SAMD7: variants seen among roughly 807,000 people sequenced by gnomAD.
The protein encoded by SAMD7 is sterile alpha motif domain-containing protein 7.
In SAMD7, 34 loss-of-function variants were observed where a neutral mutation model predicts 36.7. The ratio of observed to expected loss-of-function variants is 0.93; its 90% confidence interval spans 0.71 to 1.23. The LOEUF is 1.23. Ranked by LOEUF, SAMD7 falls within the 50% of genes most tolerant of loss-of-function variation. SAMD7 has a pLI of 0.00. For missense variants in SAMD7, 570 were observed against 546.6 expected (o/e 1.04, Z -0.43); for synonymous variants, 188 against 189.7 (o/e 0.99, Z 0.07).
chr3:169,918,382 T>C (rs1712904665), intron 2 of SAMD7, among the ~76,000 whole-genome samples: 1 of 152,208 alleles, frequency 6.6e-6, no homozygotes, highest in Non-Finnish European at 1.5e-5. Context: ...TCCACCCCAC[T>C]ACCCATCCCA....
At chr3:169,919,914 C>T (rs866646087) in intron 3 of SAMD7, among the ~76,000 whole-genome samples, 8 of 152,348 alleles carry the variant, frequency 5.3e-5, no homozygotes, top group South Asian at 2.1e-4. Context: ...GTGGCTCACG[C>T]CTGTAATCCC....
At chr3:169,918,574 CT>C (rs1301798462) in intron 2 of SAMD7, among the ~76,000 whole-genome samples, 1 of 152,116 alleles carries the variant, frequency 6.6e-6, no homozygotes, top group Admixed American at 6.5e-5. Context: ...AACAGTAGTC[CT>C]TTTTTCTGAT....
intron 7 of SAMD7, among the ~76,000 whole-genome samples, chr3:169,930,893 T>C (rs2108264156): frequency 6.6e-6 from 1 of 152,210 alleles, no homozygotes; most frequent in East Asian, 1.9e-4. Context: ...ATAGCCCCTT[T>C]CTTTAAATGA....
Position 169,919,571 on chromosome 3 carries a change from C to G in SAMD7, c.73C>G (p.Pro25Ala). 6.2e-7 allele frequency: 1 copy of G among 1,612,400 alleles called. No individual in the cohort carries two copies. Among genetic ancestry groups the G allele is most frequent in the Non-Finnish European group, 8.5e-7 (1 of 1,178,402 alleles). ...ACTGATCCCCTCACCATTTGGGCCT[C>G]CAACTGTGGACAGGTATTTCTCTTC... ...IPLIPSPFGP[P>A]TVDRDVLPST... Residue 25 changes from proline to alanine, a missense_variant, in exon 3 of 9, where the codon CCA (proline) becomes GCA (alanine). Transcript: ENST00000335556.
intron 7 of SAMD7, among the ~76,000 whole-genome samples, chr3:169,935,872 C>G (rs1419904950): frequency 6.6e-6 from 1 of 152,100 alleles, no homozygotes; most frequent in African/African-American, 2.4e-5. Flanking sequence ...CCCTCCCCTC[C>G]CTTTACCAAG....
At chr3:169,932,328 G>A (rs1713529762) in intron 7 of SAMD7, 2 of 703,934 alleles carry the variant, frequency 2.8e-6, no homozygotes, top group African/African-American at 3.5e-5. Flanking sequence ...AAGGGACACA[G>A]CTGAAAGCCT....
intron 3 of SAMD7, among the ~76,000 whole-genome samples, chr3:169,920,392 T>A (rs1000210595): frequency 3.3e-5 from 5 of 152,170 alleles, no homozygotes; most frequent in African/African-American, 1.2e-4. Context: ...AAGGGATCCC[T>A]GGTATCTCTT....
intron 7 of SAMD7, among the ~76,000 whole-genome samples, chr3:169,934,121 G>T (rs1034772147): frequency 6.6e-6 from 1 of 152,174 alleles, no homozygotes; most frequent in African/African-American, 2.4e-5. Flanking sequence ...AGGTCACAGA[G>T]CCCAGAAGAC....
At chr3:169,918,369 C>G (rs560629440) in intron 2 of SAMD7, among the ~76,000 whole-genome samples, 121 of 152,268 alleles carry the variant, frequency 7.9e-4, no homozygotes, top group African/African-American at 2.7e-3. Context: ...CTCCCTTCCC[C>G]CTTCCACCCC....
intron 7 of SAMD7, among the ~76,000 whole-genome samples, chr3:169,934,771 G>A (rs1713660858): frequency 6.6e-6 from 1 of 152,216 alleles, no homozygotes; most frequent in Non-Finnish European, 1.5e-5. Context: ...CATCATTGAA[G>A]CTGAGCAAAG....
Position 169,919,376 on chromosome 3 carries a change from G to A in SAMD7, c.-41-82G>A. The A allele has an allele frequency of 4.0e-6, 3 of 752,604 alleles. No homozygotes were observed. The South Asian group carries it at 4.9e-5, about 12-fold the overall frequency. The allele number at this position is 752,604 out of a possible 1,614,324, so 46.6% of individuals were successfully genotyped here. The stretch of plus-strand genomic sequence containing the variant: ...CCCAAGTGTTGTGAAAATACAAAAG[G>A]CTTTTATTGTGTTCAAGAAGAATTC... On this transcript the variant is annotated intron_variant, in intron 2 of 8. Transcript: ENST00000335556.
intron 7 of SAMD7, among the ~76,000 whole-genome samples, chr3:169,934,399 G>A (rs80340921): frequency 0.023 from 3,447 of 152,044 alleles, 86 homozygotes; most frequent in East Asian, 0.13. Context: ...CCTCCCTTCC[G>A]GAACACCACA....
At position 169,933,083 on chromosome 3, in the gene SAMD7, C is replaced by A. The variant is rs1713578126; in HGVS notation, c.1042-3256C>A. ...AGTCTACCTTAAAATCTGCCATGGC[C>A]CATGACCCCCTCTCCCCAGTGCTCT... On this transcript the variant is annotated intron_variant, in intron 7 of 8. Coordinates refer to ENST00000335556, the MANE Select transcript of SAMD7 (RefSeq NM_001304366.2). The A allele has an allele frequency of 9.9e-5, 89 of 899,590 alleles. 1 individual carries two copies. The South Asian group carries it at 1.1e-3, about 11-fold the overall frequency. The allele number at this position is 899,590 out of a possible 1,614,324, so 55.7% of individuals were successfully genotyped here.
intron 7 of SAMD7, chr3:169,933,117 C>T (rs1229157547): frequency 2.5e-5 from 21 of 839,706 alleles, no homozygotes; most frequent in South Asian, 5.3e-5. Context: ...CTCTGATCCT[C>T]GTCTGGACGC....
In SAMD7 at chr3:169,927,157, C is replaced by T; in HGVS notation, c.895C>T (p.Pro299Ser). ...TGATGAAAAGAATGGGGTTTGCCCT[C>T]CAGTTCCTCGACCATCTCTGCCAGG... ...TCDEKNGVCP[P>S]VPRPSLPGTH... The change falls in exon 6 of 9, where the codon CCA becomes TCA. Residue 299 changes from proline to serine, a missense_variant. Physicochemically the swap from Pro to Ser is moderately conservative, Grantham distance 74 (BLOSUM62 -1). Coordinates refer to ENST00000335556, the MANE Select transcript of SAMD7 (RefSeq NM_001304366.2). 1 of 1,537,174 alleles carries T rather than the reference C, an allele frequency of 6.5e-7. No individual in the cohort carries two copies. The highest frequency in any genetic ancestry group is 8.7e-7 in the Non-Finnish European group (1 of 1,147,586).
chr3:169,926,543 T>C lies in SAMD7; in HGVS notation c.291-10T>C. The C allele has an allele frequency of 6.3e-7, 1 of 1,597,016 alleles. No individual in the cohort carries two copies. The highest frequency in any genetic ancestry group is 8.5e-7 in the Non-Finnish European group (1 of 1,170,550). On this transcript the variant is annotated splice_polypyrimidine_tract_variant and intron_variant, in intron 5 of 8. Transcript: ENST00000335556. ...CTTGGGCTGTATAAAATATATTGTTTTGTTTTTAGGACAGAAATGGAAATG... is the reference window on the plus strand; with the variant it reads ...CTTGGGCTGTATAAAATATATTGTTCTGTTTTTAGGACAGAAATGGAAATG...
intron 8 of SAMD7, 56 bp from the exon 9 acceptor site, chr3:169,938,262 T>C: frequency 8.4e-7 from 1 of 1,188,358 alleles, no homozygotes; most frequent in Non-Finnish European, 1.2e-6. Flanking sequence ...TGTTTAATGC[T>C]GAGTTAATGA....
chr3:169,936,947 T>C (rs1011668340), intron 8 of SAMD7, among the ~76,000 whole-genome samples: 2 of 152,096 alleles, frequency 1.3e-5, no homozygotes, highest in Non-Finnish European at 2.9e-5. Flanking sequence ...TCAAATATAA[T>C]AGGTGTGAAT....
chr3:169,922,690 G>A lies in SAMD7; in HGVS notation c.211+1352G>A, dbSNP rs575368802. Among the ~76,000 whole-genome samples the A allele has an allele frequency of 7.9e-5, 12 of 152,244 alleles. No individual in the cohort carries two copies. In the East Asian group the frequency reaches 2.3e-3, roughly 29 times the overall value. On this transcript the variant is annotated intron_variant, in intron 4 of 8. Coordinates refer to ENST00000335556, the MANE Select transcript of SAMD7 (RefSeq NM_001304366.2). The stretch of plus-strand genomic sequence containing the variant: ...AATTTTTGTATTATTAGTAGAGACA[G>A]AGTTTCACCCTGTTGGCCATGCTGG...
Sources: gnomAD v4.1 joint callset for allele counts (sites outside exome capture counted in the v4.1 genomes callset) on GRCh38, gnomAD v4.1.1 for gene constraint, MANE v1.5 for transcripts, NCBI Gene and HGNC (gene_info 2026-07-23, HGNC 2026-07-21) for gene names.